Variants in CUX1 observed in about 807,000 individuals in gnomAD.
The protein encoded by CUX1 is cut like homeobox 1, also known as protein CASP.
A neutral mutation model predicts 158.8 loss-of-function variants in CUX1; 31 were observed. The observed-to-expected ratio is 0.20, with a 90% CI of 0.15 to 0.26. The LOEUF is 0.26. Among genes scored for constraint, CUX1 ranks in the 10% least tolerant of loss-of-function variants. The pLI is 1.00. For synonymous variants in CUX1, 879 were observed against 862.1 expected, an observed-to-expected ratio of 1.02 and a Z score of -0.34; for missense variants, 1,589 against 2,014.6, an observed-to-expected ratio of 0.79 and a Z score of 4.04.
At chr7:101,893,178 TTTTTTTTA>T (rs372939366) in intron 1 of CUX1, among the ~76,000 whole-genome samples, 20,520 of 118,858 alleles carry the variant, frequency 0.17, 3,611 homozygotes, top group East Asian at 0.81. Flanking sequence ...TTTTTTTTTT[TTTTTTTTA>T]AAATAGAGAT....
At chr7:102,157,219 G>C (rs1316046849) in intron 8 of CUX1, among the ~76,000 whole-genome samples, 1 of 152,090 alleles carries the variant, frequency 6.6e-6, no homozygotes, top group Non-Finnish European at 1.5e-5. Context: ...GCATCCTGAA[G>C]GCAGCAGAGT....
At chr7:102,008,326 C>CTGTT (rs1186114188) in intron 2 of CUX1, among the ~76,000 whole-genome samples, 11 of 151,834 alleles carry the variant, frequency 7.2e-5, no homozygotes, top group African/African-American at 2.7e-4. Context: ...TTTTTTCCTT[C>CTGTT]TGTTTGTATC....
chr7:101,957,050 C>T lies in CUX1; in HGVS notation c.141+40825C>T, dbSNP rs113021285. Reference sequence around the variant, plus strand: ...AGGTGGGAGGGAACAAGGCTAGTGTCCAATATAGAGGAACGGCTAAATGAT... The same window carrying T: ...AGGTGGGAGGGAACAAGGCTAGTGTTCAATATAGAGGAACGGCTAAATGAT... On this transcript the variant is annotated intron_variant, in intron 2 of 23. Transcript: ENST00000292535. Among the ~76,000 whole-genome samples, 14 of 152,244 alleles carry T rather than the reference C, an allele frequency of 9.2e-5. 3 individuals carry two copies. The highest frequency in any genetic ancestry group is 2.6e-4 in the African/African-American group (11 of 41,542).
chr7:102,117,044 G>T (rs1476835568), intron 8 of CUX1, among the ~76,000 whole-genome samples: 4 of 152,146 alleles, frequency 2.6e-5, no homozygotes, highest in Non-Finnish European at 4.4e-5. Context: ...GGCGCTGACG[G>T]TCAGCAGGTC....
At chr7:102,100,052 G>A (rs1829620361) in intron 5 of CUX1, among the ~76,000 whole-genome samples, 1 of 152,112 alleles carries the variant, frequency 6.6e-6, no homozygotes, top group Admixed American at 6.6e-5. Context: ...GGCCAAGGTG[G>A]GCAGATCACT....
rs1586467776 is a variant in CUX1, at chr7:102,256,166, T to A, written c.*7124T>A. 1.0e-6 allele frequency: 1 copy of A among 985,178 alleles called. No individual in the cohort carries two copies. The highest frequency in any genetic ancestry group is 1.7e-5 in the African/African-American group (1 of 57,164). 61.0% of individuals were successfully genotyped at this position (985,178 alleles called of 1,614,324 possible). On this transcript the variant is annotated 3_prime_UTR_variant, in exon 24 of 24. Transcript: ENST00000292535. ...TGGCCTGACGAGGCAGGATAGGGAG[T>A]ATCCGTGATTCAGAAGCTGAGACCC...
At chr7:102,264,151 G>A (rs540671318) in intron 14 of CUX1, among the ~76,000 whole-genome samples, 6 of 151,086 alleles carry the variant, frequency 4.0e-5, no homozygotes, top group South Asian at 4.2e-4. Context: ...GATTACAGGC[G>A]CCCACCACCG....
intron 2 of CUX1, among the ~76,000 whole-genome samples, chr7:101,982,270 C>T (rs1192995045): frequency 6.6e-6 from 1 of 152,182 alleles, no homozygotes; most frequent in Non-Finnish European, 1.5e-5. Flanking sequence ...CCTGCTGCCT[C>T]GTTTTTCTCA....
intron 5 of CUX1, among the ~76,000 whole-genome samples, chr7:102,102,480 G>A (rs1829889072): frequency 6.6e-6 from 1 of 150,574 alleles, no homozygotes; most frequent in Non-Finnish European, 1.5e-5. Flanking sequence ...CCGCGTGGGT[G>A]TTAATCGCCC....
chr7:101,867,333 T>A (rs146820837), intron 1 of CUX1, among the ~76,000 whole-genome samples: 102 of 152,242 alleles, frequency 6.7e-4, no homozygotes, highest in African/African-American at 2.3e-3. Flanking sequence ...ACTCAAGGGT[T>A]TCGTAATGTG....
rs188233284 is a variant in CUX1, at chr7:102,144,175, G to A, written c.675-14385G>A. Among the ~76,000 whole-genome samples, 693 of 152,252 alleles carry A rather than the reference G, an allele frequency of 4.6e-3. 2 individuals are homozygous for A. Among genetic ancestry groups the A allele is most frequent in the African/African-American group, 0.016 (673 of 41,552 alleles). On this transcript the variant is annotated intron_variant, in intron 8 of 23. Transcript: ENST00000292535. ...TCTCCTTCTTCTTGAGTATTTTTAT[G>A]TCTTGCTTATCACCTTGTTTCATTG...
chr7:101,942,407 C>A (rs1328155458), intron 2 of CUX1, among the ~76,000 whole-genome samples: 1 of 152,214 alleles, frequency 6.6e-6, no homozygotes, highest in Non-Finnish European at 1.5e-5. Context: ...AGTATTATTT[C>A]AAGCAATCTC....
intron 10 of CUX1, among the ~76,000 whole-genome samples, chr7:102,176,948 C>CTT (rs113478597): frequency 5.6e-4 from 80 of 142,586 alleles, no homozygotes; most frequent in African/African-American, 1.4e-3. Flanking sequence ...TGACTTTTTC[C>CTT]TTTTTTTTTT....
At chr7:101,871,862 T>TA (rs1404161125) in intron 1 of CUX1, among the ~76,000 whole-genome samples, 2 of 151,630 alleles carry the variant, frequency 1.3e-5, no homozygotes, top group Non-Finnish European at 2.9e-5. Context: ...TACTAAAAAT[T>TA]AAAAAATTGA....
chr7:102,132,177 G>T (rs1554497400), intron 8 of CUX1, among the ~76,000 whole-genome samples: 2 of 151,464 alleles, frequency 1.3e-5, no homozygotes, highest in African/African-American at 2.4e-5. Context: ...TGGATAGATG[G>T]ATGGGCGGGT....
In CUX1 at chr7:102,252,886, T is replaced by G. The variant is rs1563496491; in HGVS notation, c.*3844T>G. 1 of 985,480 alleles carries G rather than the reference T, an allele frequency of 1.0e-6. No individual in the cohort carries two copies. Among genetic ancestry groups the G allele is most frequent in the Non-Finnish European group, 1.2e-6 (1 of 829,956 alleles). The allele number at this position is 985,480 out of a possible 1,614,324, so 61.0% of individuals were successfully genotyped here. On this transcript the variant is annotated 3_prime_UTR_variant, in exon 24 of 24. Coordinates refer to ENST00000292535, the MANE Select transcript of CUX1 (RefSeq NM_181552.4). ...CTTCTAGACGATCTTAGGAGGCATC[T>G]TGGCATGAGGCAGCTTCTAAGCGTC...
intron 4 of CUX1, among the ~76,000 whole-genome samples, chr7:102,074,363 C>G (rs1481354886): frequency 6.6e-6 from 1 of 152,252 alleles, no homozygotes; most frequent in Non-Finnish European, 1.5e-5. Flanking sequence ...AGCCGCCAAG[C>G]TGGCCCCAGG....
intron 2 of CUX1, among the ~76,000 whole-genome samples, chr7:101,947,601 G>A (rs1325375938): frequency 1.3e-5 from 2 of 152,076 alleles, no homozygotes; most frequent in Non-Finnish European, 2.9e-5. Flanking sequence ...AAATCTCAAA[G>A]TGCACAATAC....
chr7:102,132,311 GCGCGCGCGCGCGCACGCCACGCACA>G (rs1251393022), intron 8 of CUX1, among the ~76,000 whole-genome samples: 1 of 76 alleles, frequency 0.013, no homozygotes, highest in Non-Finnish European at 0.042. Context: ...GTGTGTGTGC[GCGCGCGCGCGCGCACGCCACGCACA>G]CACGCATCTT....
Sources: gnomAD v4.1 joint callset for allele counts (sites outside exome capture counted in the v4.1 genomes callset) on GRCh38, gnomAD v4.1.1 for gene constraint, MANE v1.5 for transcripts, NCBI Gene and HGNC (gene_info 2026-07-23, HGNC 2026-07-21) for gene names.